The following WWOX variants were observed in gnomAD, a reference collection of about 807,000 sequenced individuals.
The protein encoded by WWOX is WW domain containing oxidoreductase.
In WWOX, 69 loss-of-function variants were observed where a neutral mutation model predicts 46.2. That is an observed-to-expected ratio of 1.49 (90% CI 1.23 to 1.82). The LOEUF (loss-of-function observed/expected upper bound fraction) is 1.82, where lower values mean the gene tolerates loss of function less well. WWOX is among the 40% of genes most tolerant of loss of function. The pLI is 0.00. For synonymous variants in WWOX, 359 were observed against 202.6 expected, an observed-to-expected ratio of 1.77 and a Z score of -6.56; for missense variants, 919 against 542.6, an observed-to-expected ratio of 1.69 and a Z score of -6.89.
chr16:78,349,839 C>G (rs1278624845), intron 5 of WWOX, among the ~76,000 whole-genome samples: 1 of 120,806 alleles, frequency 8.3e-6, no homozygotes, highest in Admixed American at 8.1e-5. Context: ...CAACTTTGAG[C>G]TATATTGATT....
chr16:78,847,157 T>G (rs1013437016), intron 8 of WWOX, among the ~76,000 whole-genome samples: 2 of 152,236 alleles, frequency 1.3e-5, no homozygotes, highest in African/African-American at 2.4e-5. Flanking sequence ...CATGGAGGCT[T>G]GGTTCGTTTT....
At chr16:78,752,584 C>G (rs539347753) in intron 8 of WWOX, among the ~76,000 whole-genome samples, 2 of 152,162 alleles carry the variant, frequency 1.3e-5, no homozygotes, top group Admixed American at 1.3e-4. Context: ...AATATTCTTT[C>G]TAATATGATT....
chr16:78,128,569 T>C (rs749621470), intron 4 of WWOX, among the ~76,000 whole-genome samples: 4 of 152,214 alleles, frequency 2.6e-5, no homozygotes, highest in Non-Finnish European at 2.9e-5. Flanking sequence ...TAGATACTGA[T>C]TGGGGATTCA....
intron 6 of WWOX, among the ~76,000 whole-genome samples, chr16:78,389,553 ATG>A (rs2082134722): frequency 6.6e-6 from 1 of 152,140 alleles, no homozygotes; most frequent in Non-Finnish European, 1.5e-5. Context: ...AATATTTTGC[ATG>A]TATGTTTTGA....
intron 8 of WWOX, among the ~76,000 whole-genome samples, chr16:78,987,715 C>T (rs920142195): frequency 5.3e-5 from 8 of 152,134 alleles, no homozygotes; most frequent in African/African-American, 1.9e-4. Flanking sequence ...ATTCATTTCG[C>T]GCTAATGAGA....
At position 78,110,990 on chromosome 16, in the gene WWOX, GT is replaced by G. The variant is rs567799137; in HGVS notation, c.230+1157del. On this transcript the variant is annotated intron_variant, in intron 3 of 8. Transcript: ENST00000566780. ...GATTAGGATTGGTTGGTTAATAGAA[GT>G]TGATTTGAGCAGGAATTTTTTTTTT... Among the ~76,000 whole-genome samples the G allele has an allele frequency of 1.2e-4, 18 of 152,052 alleles. No homozygotes were observed. In the South Asian group the frequency reaches 2.3e-3, roughly 19 times the overall value.
chr16:78,707,428 C>G (rs1393587246), intron 8 of WWOX, among the ~76,000 whole-genome samples: 1 of 152,210 alleles, frequency 6.6e-6, no homozygotes, highest in Non-Finnish European at 1.5e-5. Flanking sequence ...GCACAAGCAT[C>G]AGAGGTTCTG....
chr16:78,922,806 C>G (rs1372700752), intron 8 of WWOX, among the ~76,000 whole-genome samples: 5 of 152,178 alleles, frequency 3.3e-5, no homozygotes, highest in East Asian at 1.9e-4. Context: ...ACTAAAGGAA[C>G]TGGAGCTTGG....
intron 8 of WWOX, among the ~76,000 whole-genome samples, chr16:78,695,796 A>T (rs1190096802): frequency 6.6e-6 from 1 of 152,238 alleles, no homozygotes; most frequent in Non-Finnish European, 1.5e-5. Flanking sequence ...TTGAGCATTG[A>T]CCAGGTGCCC....
intron 5 of WWOX, among the ~76,000 whole-genome samples, chr16:78,329,175 T>C (rs1225786413): frequency 6.6e-6 from 1 of 152,128 alleles, no homozygotes; most frequent in Non-Finnish European, 1.5e-5. Flanking sequence ...GATATATTTT[T>C]AATTATCATA....
intron 8 of WWOX, among the ~76,000 whole-genome samples, chr16:78,672,114 A>T (rs1028676937): frequency 6.6e-6 from 1 of 152,248 alleles, no homozygotes; most frequent in Non-Finnish European, 1.5e-5. Flanking sequence ...GTAAAAGTTT[A>T]GGATACCGGC....
chr16:78,412,448 A>G (rs1335177291), intron 6 of WWOX, among the ~76,000 whole-genome samples: 1 of 152,168 alleles, frequency 6.6e-6, no homozygotes, highest in Non-Finnish European at 1.5e-5. Flanking sequence ...CTTCATGGCG[A>G]TTTTGTTCGG....
chr16:78,730,422 T>C (rs558412481), intron 8 of WWOX, among the ~76,000 whole-genome samples: 1 of 152,142 alleles, frequency 6.6e-6, no homozygotes, highest in South Asian at 2.1e-4. Context: ...TTCCTAGGAC[T>C]CATCATTCAC....
intron 8 of WWOX, chr16:78,503,562 C>T (rs963623809): frequency 1.3e-5 from 2 of 152,122 alleles, no homozygotes; most frequent in Non-Finnish European, 2.9e-5. Context: ...AATTGATGTG[C>T]CATGATCTTT....
chr16:78,503,660 T>G (rs1486394807), intron 8 of WWOX: 1 of 152,196 alleles, frequency 6.6e-6, no homozygotes, highest in Non-Finnish European at 1.5e-5. Flanking sequence ...TGCAAACACT[T>G]ACATGTGTAT....
At chr16:78,327,686 G>C (rs769988051) in intron 5 of WWOX, among the ~76,000 whole-genome samples, 4 of 151,954 alleles carry the variant, frequency 2.6e-5, no homozygotes, top group African/African-American at 4.8e-5. Context: ...GGTTTTCTCA[G>C]TAGATGCTTT....
At chr16:78,523,922 C>G (rs76004187) in intron 8 of WWOX, among the ~76,000 whole-genome samples, 5,899 of 152,254 alleles carry the variant, frequency 0.039, 393 homozygotes, top group African/African-American at 0.13. Flanking sequence ...TAAGAAATAC[C>G]AGTGATTTCT....
intron 8 of WWOX, among the ~76,000 whole-genome samples, chr16:78,673,384 C>G (rs1056325316): frequency 2.3e-4 from 35 of 152,282 alleles, no homozygotes; most frequent in African/African-American, 8.4e-4. Context: ...CACGTTTATT[C>G]TCCAGCCCAG....
rs2048185466 is a variant in WWOX, at chr16:78,700,312, CA to C, written c.1056+267561del. On this transcript the variant is annotated intron_variant, in intron 8 of 8. Transcript: ENST00000566780. ...TCTTGCTGTGTCCTCACTTAGTAGA[CA>C]GAGAGAGAGAGAGAGAGAGAGAGAG... Among the ~76,000 whole-genome samples the C allele has an allele frequency of 2.3e-5, 3 of 130,552 alleles. No individual in the cohort carries two copies. In the South Asian group the frequency reaches 8.5e-4, roughly 37 times the overall value. 85.6% of individuals were successfully genotyped at this position (130,552 alleles called of 152,430 possible).
Sources: gnomAD v4.1 joint callset for allele counts (sites outside exome capture counted in the v4.1 genomes callset) on GRCh38, gnomAD v4.1.1 for gene constraint, MANE v1.5 for transcripts, NCBI Gene and HGNC (gene_info 2026-07-23, HGNC 2026-07-21) for gene names.